The following SMARCA4 variants were observed in gnomAD, a reference collection of about 807,000 sequenced individuals.
The protein encoded by SMARCA4 is SWI/SNF related BAF chromatin remodeling complex subunit ATPase 4, also known as SWI/SNF-related matrix-associated actin-dependent regulator of chromatin subfamily A member 4.
Under a neutral mutation model 193.9 loss-of-function variants are expected in SMARCA4, and 31 were observed. The ratio of observed to expected loss-of-function variants is 0.16; its 90% CI spans 0.12 to 0.22. The LOEUF is 0.22. Among genes scored for constraint, SMARCA4 ranks in the 10% least tolerant of loss-of-function variants. The pLI is 1.00. For missense variants in SMARCA4, 1,148 were observed against 2,296.0 expected (o/e 0.50, Z 10.22); for synonymous variants, 942 against 933.1 (o/e 1.01, Z -0.17).
chr19:10,964,761 A>T (rs1019121764), intron 1 of SMARCA4, among the ~76,000 whole-genome samples: 1 of 151,684 alleles, frequency 6.6e-6, no homozygotes, highest in Non-Finnish European at 1.5e-5. Context: ...GGGACTAAGG[A>T]CGTGCACCAC....
In SMARCA4 at chr19:10,986,600, C is replaced by G. The variant is rs1257824177; in HGVS notation, c.760+7C>G. 1 of 1,535,670 alleles carries G rather than the reference C, an allele frequency of 6.5e-7. No individual in the cohort carries two copies. The highest frequency in any genetic ancestry group is 1.2e-5 in the South Asian group (1 of 84,048). On this transcript the variant is annotated splice_region_variant and intron_variant, in intron 4 of 34. Coordinates refer to ENST00000344626, the MANE Select transcript of SMARCA4 (RefSeq NM_003072.5). The surrounding 1 kb of genome is among the most constrained non-coding windows in gnomAD (Gnocchi z 6.7). ...AATTACAGCAGGCCTCATGGTAAGACTGGCTGCCCTGGCCCTCAGGTGTCT... is the reference window on the plus strand; with the variant it reads ...AATTACAGCAGGCCTCATGGTAAGAGTGGCTGCCCTGGCCCTCAGGTGTCT...
rs1035733540 is a variant in SMARCA4, at chr19:10,986,226, T to C, written c.393T>C (p.Ser131=). 6.2e-6 allele frequency: 10 copies of C among 1,613,942 alleles called. No individual in the cohort carries two copies. The highest frequency in any genetic ancestry group is 7.6e-6 in the Non-Finnish European group (9 of 1,180,010). Residue 131 remains serine, a synonymous_variant, in exon 4 of 35, where the codon TCT becomes TCC. Transcript: ENST00000344626. The surrounding 1 kb of genome is among the most constrained non-coding windows in gnomAD (Gnocchi z 6.7). ...PSPLGGSEHA[S]SPVPASGPSS... ...CCCTGGGTGGCTCTGAGCATGCCTC[T>C]AGTCCAGTTCCAGCCAGTGGCCCGT...
chr19:10,990,713 G>A (rs375355097), intron 7 of SMARCA4, among the ~76,000 whole-genome samples: 2 of 152,144 alleles, frequency 1.3e-5, no homozygotes, highest in South Asian at 2.1e-4. Flanking sequence ...GCTCCTGGCC[G>A]CCTAGTTAAT....
intron 21 of SMARCA4, among the ~76,000 whole-genome samples, chr19:11,025,186 C>T (rs893814421): frequency 6.6e-6 from 1 of 152,208 alleles, no homozygotes; most frequent in Non-Finnish European, 1.5e-5. Flanking sequence ...GTCCTGCTGG[C>T]CCTGTCCCTG....
rs1372844433 is a variant in SMARCA4, at chr19:11,010,263, G to A, written c.2124-118G>A. ...CGGCTGCACCTCTATGTGTCTTACA[G>A]TGCTGGCCACAGGTCATTCAGCAGA... On this transcript the variant is annotated intron_variant, in intron 14 of 34. Transcript: ENST00000344626. 3 of 1,159,266 alleles carry A rather than the reference G, an allele frequency of 2.6e-6. No individual in the cohort carries two copies. In the African/African-American group the frequency reaches 4.5e-5, roughly 18 times the overall value. 71.8% of individuals were successfully genotyped at this position (1,159,266 alleles called of 1,614,324 possible). A position where few individuals can be genotyped will look rare whatever the true frequency, so the allele number is the denominator to read the frequency against.
In SMARCA4 at chr19:11,033,098, C is replaced by T. The variant is rs2075041063; in HGVS notation, c.3547-192C>T. On this transcript the variant is annotated intron_variant, in intron 25 of 34. Transcript: ENST00000344626. The surrounding 1 kb of genome is among the most constrained non-coding windows in gnomAD (Gnocchi z 9.8). ...TTCTGGAGGAACGTGATGAGAGTCC[C>T]CTTCCCCCGAGGGACACATGGCGGC... is the stretch of plus-strand genomic sequence containing the variant. 4.5e-6 allele frequency: 3 copies of T among 661,542 alleles called. No homozygotes were observed. The African/African-American group carries it at 5.3e-5, about 12-fold the overall frequency. The allele number at this position is 661,542 out of a possible 1,614,324, so 41.0% of individuals were successfully genotyped here.
intron 15 of SMARCA4, chr19:11,012,629 C>A (rs1428991750): frequency 5.0e-6 from 2 of 399,280 alleles, no homozygotes; most frequent in Non-Finnish European, 9.6e-6. Flanking sequence ...GCAGGTTTTT[C>A]CTGTGTGCTG....
At position 11,024,199 on chromosome 19, in the gene SMARCA4, C is replaced by A. The variant is rs541833256; in HGVS notation, c.2974-132C>A. Reference sequence around the variant, plus strand: ...TCTTCTCCCCAGCTGTGAGGGTCTCCTCACCCACACCCCAGTGTGCTCTGG... The same window carrying A: ...TCTTCTCCCCAGCTGTGAGGGTCTCATCACCCACACCCCAGTGTGCTCTGG... On this transcript the variant is annotated intron_variant, in intron 20 of 34. Coordinates refer to ENST00000344626, the MANE Select transcript of SMARCA4 (RefSeq NM_003072.5). 3.2e-5 allele frequency: 23 copies of A among 719,646 alleles called. No individual in the cohort carries two copies. In the East Asian group the frequency reaches 6.0e-4, roughly 19 times the overall value. 44.6% of individuals were successfully genotyped at this position (719,646 alleles called of 1,614,324 possible). A position where few individuals can be genotyped will look rare whatever the true frequency, so the allele number is the denominator to read the frequency against.
At position 11,061,820 on chromosome 19, in the gene SMARCA4, C is replaced by G. The variant is rs1283262172; in HGVS notation, c.*4C>G. ...AAGTGGCAGCGAAGAAGACTGAGCCCCGACATTCCAGTCTCGACCCCGAGC... is the reference window on the plus strand; with the variant it reads ...AAGTGGCAGCGAAGAAGACTGAGCCGCGACATTCCAGTCTCGACCCCGAGC... On this transcript the variant is annotated 3_prime_UTR_variant, in exon 35 of 35. Coordinates refer to ENST00000344626, the MANE Select transcript of SMARCA4 (RefSeq NM_003072.5). 1.9e-6 allele frequency: 3 copies of G among 1,613,944 alleles called. No homozygotes were observed. Among genetic ancestry groups the G allele is most frequent in the Non-Finnish European group, 2.5e-6 (3 of 1,179,914 alleles).
intron 34 of SMARCA4, among the ~76,000 whole-genome samples, chr19:11,061,199 A>G (rs1600658148): frequency 1.4e-5 from 1 of 73,870 alleles, no homozygotes; most frequent in South Asian, 4.2e-4. Flanking sequence ...AAAAAAAAAA[A>G]AAAAAATATA....
rs539629559 is a variant in SMARCA4 at position 11,041,737 on chromosome 19, C to T, written c.4424+177C>T. 6.6e-6 allele frequency among the ~76,000 whole-genome samples: 1 copy of T among 152,252 alleles called. No homozygotes were observed. The highest frequency in any genetic ancestry group is 1.5e-5 in the Non-Finnish European group (1 of 68,022). ...GCCCTGAGGAACATGCTTTCTGGAA[C>T]AGGGAAGCACACATGTATCTGCGGT... is the stretch of plus-strand genomic sequence containing the variant. On this transcript the variant is annotated intron_variant, in intron 30 of 34. Coordinates refer to ENST00000344626, the MANE Select transcript of SMARCA4 (RefSeq NM_003072.5). The surrounding 1 kb of genome is among the most constrained non-coding windows in gnomAD (Gnocchi z 5.6).
intron 9 of SMARCA4, chr19:10,995,495 C>G (rs2086950513): frequency 4.4e-6 from 2 of 456,478 alleles, no homozygotes; most frequent in African/African-American, 4.0e-5. Context: ...TGGATGGTGA[C>G]CGCTACAGTG....
At chr19:11,025,539 C>T (rs2075021) in intron 22 of SMARCA4, 31 bp downstream of exon 22, 1 of 1,547,146 alleles carries the variant, frequency 6.5e-7, no homozygotes, top group Non-Finnish European at 8.9e-7. Flanking sequence ...ACGGCTCAGG[C>T]CCTGCTGTCT....
At chr19:10,977,170 C>T (rs1157716487) in intron 1 of SMARCA4, among the ~76,000 whole-genome samples, 1 of 152,182 alleles carries the variant, frequency 6.6e-6, no homozygotes, top group Non-Finnish European at 1.5e-5. Flanking sequence ...CTGGATCGCA[C>T]CTAGGGGTTT....
At chr19:11,052,928 C>G (rs1173242291) in intron 30 of SMARCA4, among the ~76,000 whole-genome samples, 1 of 152,184 alleles carries the variant, frequency 6.6e-6, no homozygotes, top group Non-Finnish European at 1.5e-5. Flanking sequence ...AAGGCCAGTC[C>G]CCGCCTCGCA....
rs2147113412 is a variant in SMARCA4 at position 11,059,776 on chromosome 19, G to A, written c.4659G>A (p.Leu1553=). 4.4e-6 allele frequency: 7 copies of A among 1,592,678 alleles called. No individual in the cohort carries two copies. Among genetic ancestry groups the A allele is most frequent in the Non-Finnish European group, 6.0e-6 (7 of 1,169,978 alleles). The part of the protein sequence containing the change: ...GSLIYEDSIV[L]QSVFTSVRQK... ...AGATCTATGAAGACTCCATCGTCTT[G>A]CAGTCGGTCTTCACCAGCGTGCGGC... Residue 1553 remains leucine (L), a synonymous_variant, in exon 33 of 35, where the codon TTG becomes TTA. Coordinates refer to ENST00000344626, the MANE Select transcript of SMARCA4 (RefSeq NM_003072.5).
chr19:11,053,460 AAAAAAAAAG>A (rs2076374244), intron 30 of SMARCA4, among the ~76,000 whole-genome samples: 1 of 151,512 alleles, frequency 6.6e-6, no homozygotes, highest in South Asian at 2.1e-4. Flanking sequence ...TCAAAAAAAA[AAAAAAAAAG>A]AAAGAAATTC....
chr19:10,967,336 GCT>G (rs1398044424), intron 1 of SMARCA4, among the ~76,000 whole-genome samples: 1 of 151,520 alleles, frequency 6.6e-6, no homozygotes, highest in African/African-American at 2.4e-5. Context: ...ATGGAGTCTT[GCT>G]CTCTCTCTGT....
chr19:10,982,786 G>A (rs956011642), intron 1 of SMARCA4, among the ~76,000 whole-genome samples: 4 of 152,126 alleles, frequency 2.6e-5, no homozygotes, highest in Non-Finnish European at 5.9e-5. Flanking sequence ...TTACAGGCGT[G>A]AGCCACCGCG....
Sources: allele counts gnomAD v4.1 joint callset (sites outside exome capture counted in the v4.1 genomes callset), GRCh38; gene constraint gnomAD v4.1.1; non-coding constraint Gnocchi (gnomAD v3.1); transcripts MANE v1.5; gene names NCBI Gene and HGNC (gene_info 2026-07-23, HGNC 2026-07-21).